ROBO1: variants seen among roughly 807,000 people sequenced by gnomAD.
The protein encoded by ROBO1 is roundabout guidance receptor 1.
Under a neutral mutation model 195.9 loss-of-function variants are expected in ROBO1, and 149 were observed. The observed-to-expected ratio is 0.76, with a 90% confidence interval of 0.67 to 0.87. The LOEUF (loss-of-function observed/expected upper bound fraction) is 0.87. ROBO1 is among the 40% of genes least tolerant of loss of function. The pLI, the probability that ROBO1 is intolerant of heterozygous loss-of-function variation, is 0.00. For synonymous variants in ROBO1, 816 were observed against 733.2 expected (o/e 1.11, Z -1.82); for missense variants, 1,933 against 2,068.3 (o/e 0.93, Z 1.27).
chr3:79,487,126 T>A (rs1939201752), intron 2 of ROBO1, among the ~76,000 whole-genome samples: 1 of 126,722 alleles, frequency 7.9e-6, no homozygotes, highest in African/African-American at 3.0e-5. Flanking sequence ...AGGAACCTCC[T>A]GGAGAATTAC....
intron 2 of ROBO1, among the ~76,000 whole-genome samples, chr3:79,457,507 C>A (rs1173080353): frequency 6.6e-6 from 1 of 151,906 alleles, no homozygotes; most frequent in African/African-American, 2.4e-5. Flanking sequence ...AGAAGACTCA[C>A]CATTGCTTCA....
At chr3:79,182,570 T>TGTGC (rs779706587) in intron 2 of ROBO1, among the ~76,000 whole-genome samples, 1,632 of 150,026 alleles carry the variant, frequency 0.011, 13 homozygotes, top group Non-Finnish European at 0.018. Flanking sequence ...TGTGTGTGTG[T>TGTGC]GCGTGCGTGC....
At chr3:79,614,434 A>G (rs189141934) in intron 1 of ROBO1, among the ~76,000 whole-genome samples, 4 of 152,242 alleles carry the variant, frequency 2.6e-5, no homozygotes, top group African/African-American at 9.6e-5. Flanking sequence ...TGAAAACATA[A>G]CATACAAATT....
At chr3:78,855,424 G>C (rs180914904) in intron 4 of ROBO1, among the ~76,000 whole-genome samples, 37 of 152,266 alleles carry the variant, frequency 2.4e-4, no homozygotes, top group African/African-American at 8.7e-4. Context: ...CAGAGCCTGG[G>C]CAACTGTAAA....
In ROBO1 at chr3:78,668,225, T is replaced by G; in HGVS notation, c.1708A>C (p.Thr570Pro). Residue 570 changes from threonine to proline, a missense_variant, in exon 13 of 31, where the codon ACA (threonine) becomes CCA (proline). By Grantham distance (38) the Thr-to-Pro change is conservative. Coordinates refer to ENST00000464233, the MANE Select transcript of ROBO1 (RefSeq NM_002941.4). ...IPSAPSKPEV[T>P]DVSRNTVTLS... Reference sequence around the variant, plus strand: ...GTGACTGTATTTCTGCTGACATCTGTCACTTCAGGTTTTGATGGGGCACTA... The same window carrying G: ...GTGACTGTATTTCTGCTGACATCTGGCACTTCAGGTTTTGATGGGGCACTA... 1.9e-6 allele frequency: 3 copies of G among 1,613,590 alleles called. No individual in the cohort carries two copies. Among genetic ancestry groups the G allele is most frequent in the Non-Finnish European group, 2.5e-6 (3 of 1,179,504 alleles).
intron 2 of ROBO1, among the ~76,000 whole-genome samples, chr3:79,181,497 C>T (rs951450688): frequency 5.9e-5 from 9 of 152,156 alleles, no homozygotes; most frequent in African/African-American, 1.7e-4. Flanking sequence ...CTTACTTATC[C>T]TGTGAAATCT....
intron 16 of ROBO1, 81 bp downstream of exon 16, chr3:78,660,948 AT>A (rs774738611): frequency 1.3e-4 from 118 of 933,488 alleles, no homozygotes; most frequent in Non-Finnish European, 1.8e-4. Flanking sequence ...CACTATTAAC[AT>A]TATAACAATT....
chr3:79,545,647 A>G (rs1353738261), intron 2 of ROBO1, among the ~76,000 whole-genome samples: 1 of 152,234 alleles, frequency 6.6e-6, no homozygotes, highest in Non-Finnish European at 1.5e-5. Flanking sequence ...TCACAGATAA[A>G]GAGTGGAGAA....
intron 3 of ROBO1, among the ~76,000 whole-genome samples, chr3:78,951,297 T>C (rs2040770562): frequency 6.6e-6 from 1 of 151,914 alleles, no homozygotes; most frequent in Non-Finnish European, 1.5e-5. Context: ...ACAGTACATA[T>C]ATATAATATT....
chr3:78,853,136 A>G (rs329810), intron 4 of ROBO1, among the ~76,000 whole-genome samples: 8,878 of 152,144 alleles, frequency 0.058, 334 homozygotes, highest in Middle Eastern at 0.099. Context: ...TCTGTAGCTT[A>G]GAAGACAGTT....
In ROBO1 at chr3:78,750,874, T is replaced by C. The variant is rs142858601; in HGVS notation, c.500-3974A>G. On this transcript the variant is annotated intron_variant, in intron 4 of 30. Transcript: ENST00000464233. ...ACCAAGTCCCAGGAAGCTTTGCTTGTGTTATTTATGAGAAGGGGACCAGAA... is the reference window on the plus strand; with the variant it reads ...ACCAAGTCCCAGGAAGCTTTGCTTGCGTTATTTATGAGAAGGGGACCAGAA... Among the ~76,000 whole-genome samples the C allele has an allele frequency of 4.9e-3, 740 of 152,308 alleles. 6 individuals carry two copies. The highest frequency in any genetic ancestry group is 0.017 in the African/African-American group (706 of 41,570).
At position 79,618,957 on chromosome 3, in the gene ROBO1, G is replaced by A. The variant is rs556197224; in HGVS notation, c.-50-28996C>T. ...GACCCAAAACTCCAGCGCCAGTCACGAACTCAGGAAGACAGTCTTCCCTTT... is the reference window on the plus strand; with the variant it reads ...GACCCAAAACTCCAGCGCCAGTCACAAACTCAGGAAGACAGTCTTCCCTTT... On this transcript the variant is annotated intron_variant, in intron 1 of 30. Coordinates refer to ENST00000464233, the MANE Select transcript of ROBO1 (RefSeq NM_002941.4). Among the ~76,000 whole-genome samples, 157 of 152,276 alleles carry A rather than the reference G, an allele frequency of 1.0e-3. 1 individual carries two copies. The highest frequency in any genetic ancestry group is 3.5e-3 in the African/African-American group (147 of 41,562).
intron 3 of ROBO1, among the ~76,000 whole-genome samples, chr3:78,970,895 G>T (rs1169209371): frequency 6.6e-6 from 1 of 151,098 alleles, no homozygotes; most frequent in Non-Finnish European, 1.5e-5. Context: ...CACCATAGTT[G>T]ATATCTCTGA....
chr3:79,642,237 G>T (rs1945687179), intron 1 of ROBO1, among the ~76,000 whole-genome samples: 1 of 152,048 alleles, frequency 6.6e-6, no homozygotes, highest in Admixed American at 6.6e-5. Context: ...CAGAGGAGAA[G>T]AAAGAATGCA....
At chr3:78,602,360 C>A (rs1470075695) in intron 29 of ROBO1, among the ~76,000 whole-genome samples, 1 of 152,152 alleles carries the variant, frequency 6.6e-6, no homozygotes, top group Non-Finnish European at 1.5e-5. Context: ...CGCCATGATT[C>A]TAAGCTTCCT....
At chr3:78,804,246 T>G (rs2084460630) in intron 4 of ROBO1, among the ~76,000 whole-genome samples, 1 of 152,184 alleles carries the variant, frequency 6.6e-6, no homozygotes, top group Non-Finnish European at 1.5e-5. Context: ...TGACTTTTAC[T>G]ATTAACTCCG....
intron 2 of ROBO1, among the ~76,000 whole-genome samples, chr3:79,298,853 C>A (rs1305944164): frequency 6.6e-6 from 1 of 152,064 alleles, no homozygotes; most frequent in Non-Finnish European, 1.5e-5. Flanking sequence ...TCATTATTTT[C>A]CATTTTCAAC....
At chr3:79,326,052 T>C (rs1392676839) in intron 2 of ROBO1, among the ~76,000 whole-genome samples, 2 of 152,038 alleles carry the variant, frequency 1.3e-5, no homozygotes, top group Non-Finnish European at 2.9e-5. Flanking sequence ...TAGACCCCAG[T>C]CTCCCATAGA....
At position 78,635,812 on chromosome 3, in the gene ROBO1, C is replaced by G. The variant is rs1452762847; in HGVS notation, c.3334G>C (p.Val1112Leu). Reference sequence around the variant, plus strand: ...TTTTGCTCCACGATGTTGTACTGAACTGGTGCCACTTCTTGTTTCTGCTGT... The same window carrying G: ...TTTTGCTCCACGATGTTGTACTGAAGTGGTGCCACTTCTTGTTTCTGCTGT... ...LGQQKQEVAP[V>L]QYNIVEQNKL... is the part of the protein sequence containing the mutation. The change falls in exon 23 of 31, where the codon GTT (valine) becomes CTT (leucine). Residue 1112 changes from valine (V) to leucine (L), a missense_variant. By Grantham distance (32) the Val-to-Leu change is conservative. Coordinates refer to ENST00000464233, the MANE Select transcript of ROBO1 (RefSeq NM_002941.4). The G allele has an allele frequency of 6.2e-7, 1 of 1,613,874 alleles. No individual in the cohort carries two copies. Among genetic ancestry groups the G allele is most frequent in the Non-Finnish European group, 8.5e-7 (1 of 1,179,822 alleles).
Sources: gnomAD v4.1 joint callset for allele counts (sites outside exome capture counted in the v4.1 genomes callset) on GRCh38, gnomAD v4.1.1 for gene constraint, MANE v1.5 for transcripts, NCBI Gene and HGNC (gene_info 2026-07-23, HGNC 2026-07-21) for gene names.